Variants in SEMA7A observed in about 807,000 individuals in gnomAD.
The protein encoded by SEMA7A is semaphorin 7A (JohnMiltonHagen blood group), also known as semaphorin-7A.
Under a neutral mutation model 67.5 loss-of-function variants are expected in SEMA7A, and 21 were observed. The observed-to-expected ratio is 0.31, with a 90% CI of 0.22 to 0.45. The LOEUF (loss-of-function observed/expected upper bound fraction) is 0.45, where lower values mean the gene tolerates loss of function less well. Among genes scored for constraint, SEMA7A ranks in the 20% least tolerant of loss-of-function variants. SEMA7A has a pLI of 1.00. For synonymous variants in SEMA7A, 364 were observed against 368.5 expected (o/e 0.99, Z 0.14); for missense variants, 774 against 908.6 (o/e 0.85, Z 1.90).
rs752883889 is a variant in SEMA7A at position 74,411,423 on chromosome 15, C to T, written c.1578-67G>A. ...TGCAGACCTGACCCTCCTATCCTTA[C>T]CCCAGTGCAGTTCCAGCAGAGAGGA... On this transcript the variant is annotated intron_variant, in intron 12 of 13. Transcript: ENST00000261918. This position sits in a 1 kb window ranked among gnomAD's most constrained non-coding sequence, Gnocchi z 4.4. 192 of 1,579,542 alleles carry T rather than the reference C, an allele frequency of 1.2e-4. 1 individual carries two copies. The highest frequency in any genetic ancestry group is 1.7e-4 in the Middle Eastern group (1 of 5,952).
Position 74,423,238 on chromosome 15 carries a change from ACCTCACAC to A in SEMA7A, c.179-4294_179-4287del, listed in dbSNP as rs2061015865. Among the ~76,000 whole-genome samples, 1 of 152,158 alleles carries A rather than the reference ACCTCACAC, an allele frequency of 6.6e-6. No homozygotes were observed. The highest frequency in any genetic ancestry group is 1.9e-4 in the East Asian group (1 of 5,194). ...CCCCCACCCCTGCACTGCCAGGCCTACCTCACACCCTCGCCCAACTACGTGTCTGGAAA... is the reference window on the plus strand; with the variant it reads ...CCCCCACCCCTGCACTGCCAGGCCTACCTCGCCCAACTACGTGTCTGGAAA... On this transcript the variant is annotated intron_variant, in intron 1 of 13. Coordinates refer to ENST00000261918, the MANE Select transcript of SEMA7A (RefSeq NM_003612.5). This position sits in a 1 kb window ranked among gnomAD's most constrained non-coding sequence, Gnocchi z 4.1.
rs758877088 is a variant in SEMA7A at position 74,411,762 on chromosome 15, C to A, written c.1423-52G>T. 6 of 1,606,208 alleles carry A rather than the reference C, an allele frequency of 3.7e-6. No homozygotes were observed. The highest frequency in any genetic ancestry group is 5.1e-6 in the Non-Finnish European group (6 of 1,178,134). ...GCCCGGGCCCCACCCCACACTCAGT[C>A]CTAAATGTCCAGGCCCTAAGGCCTA... On this transcript the variant is annotated intron_variant, in intron 11 of 13. Coordinates refer to ENST00000261918, the MANE Select transcript of SEMA7A (RefSeq NM_003612.5). The surrounding 1 kb of genome is among the most constrained non-coding windows in gnomAD (Gnocchi z 4.4).
intron 1 of SEMA7A, among the ~76,000 whole-genome samples, chr15:74,432,597 T>A (rs955443791): frequency 1.2e-4 from 19 of 152,128 alleles, no homozygotes; most frequent in Admixed American, 3.9e-4. Flanking sequence ...GTTTTGTGTA[T>A]GGTTTTTTTT....
rs749077025 is a variant in SEMA7A, at chr15:74,415,927, G to A, written c.860C>T (p.Ala287Val). Residue 287 changes from alanine to valine, a missense_variant, in exon 8 of 14, where the codon GCC becomes GTC. Physicochemically the swap from Ala to Val is moderately conservative, Grantham distance 64 (BLOSUM62 0). Around this residue, in one of 2 missense-constraint regions of SEMA7A, gnomAD observed 427 missense variants for 555.4 expected, o/e 0.77. Transcript: ENST00000261918. The stretch of plus-strand genomic sequence containing the variant: ...GGCAGCATCACTGCATACCAGCATG[G>A]CTTTCAGAAAAGTGTTCCACTTGGA... ...SVSKWNTFLK[A>V]MLVCSDAATN... The A allele has an allele frequency of 6.2e-7, 1 of 1,614,110 alleles. No homozygotes were observed. The highest frequency in any genetic ancestry group is 1.3e-5 in the African/African-American group (1 of 75,036).
At chr15:74,433,135 C>T (rs891388027) in intron 1 of SEMA7A, among the ~76,000 whole-genome samples, 1 of 152,228 alleles carries the variant, frequency 6.6e-6, no homozygotes, top group African/African-American at 2.4e-5. Flanking sequence ...CGCCCTGGTA[C>T]CCCAAGCCGC....
intron 4 of SEMA7A, 27 bp downstream of exon 4, chr15:74,417,850 C>A: frequency 6.2e-7 from 1 of 1,611,480 alleles, no homozygotes; most frequent in Non-Finnish European, 8.5e-7. Context: ...GTGAGCTGAT[C>A]AGGCACATGG....
intron 3 of SEMA7A, 37 bp downstream of exon 3, chr15:74,418,231 G>A: frequency 6.2e-7 from 1 of 1,601,996 alleles, no homozygotes; most frequent in Non-Finnish European, 8.6e-7. Flanking sequence ...CCTTTACCAA[G>A]TGGCTCAGAC....
At chr15:74,415,207 T>C (rs1413019226) in intron 8 of SEMA7A, among the ~76,000 whole-genome samples, 1 of 152,148 alleles carries the variant, frequency 6.6e-6, no homozygotes, top group East Asian at 1.9e-4. Flanking sequence ...AACCCCATCA[T>C]AGGCTGAGCA....
Position 74,411,904 on chromosome 15 carries a change from A to G in SEMA7A, c.1403T>C (p.Met468Thr), listed in dbSNP as rs1488935494. ...GCTCACCCGCTCAGCATCCAGCGAC[A>G]TGGTCTGGATGGCAGCCGCGCGGCG... ...PFRRAAAIQT[M>T]SLDAERRKLY... The change falls in exon 11 of 14, where the codon ATG becomes ACG. Residue 468 changes from methionine to threonine, a missense_variant. Physicochemically the swap from Met to Thr is moderately conservative, Grantham distance 81. Around this residue, in one of 2 missense-constraint regions of SEMA7A, gnomAD observed 427 missense variants for 555.4 expected, o/e 0.77. Transcript: ENST00000261918. This position sits in a 1 kb window ranked among gnomAD's most constrained non-coding sequence, Gnocchi z 4.4. 2 of 1,613,844 alleles carry G rather than the reference A, an allele frequency of 1.2e-6. No homozygotes were observed. Among genetic ancestry groups the G allele is most frequent in the Non-Finnish European group, 1.7e-6 (2 of 1,180,036 alleles).
intron 1 of SEMA7A, among the ~76,000 whole-genome samples, chr15:74,424,406 A>G (rs970216601): frequency 2.0e-5 from 3 of 152,218 alleles, no homozygotes; most frequent in African/African-American, 7.2e-5. Flanking sequence ...GAAGTCAGAC[A>G]GTTTTCTGGA....
At position 74,411,044 on chromosome 15, in the gene SEMA7A, G is replaced by A. The variant is rs1309999971; in HGVS notation, c.1640-59C>T. ...GGACAAAGAGCTCCCAGGGGAGGAT[G>A]TGTCCTCCCCACGGACTGGGATCCC... On this transcript the variant is annotated intron_variant, in intron 13 of 13. Transcript: ENST00000261918. The surrounding 1 kb of genome is among the most constrained non-coding windows in gnomAD (Gnocchi z 4.4). 3.1e-5 allele frequency: 49 copies of A among 1,559,586 alleles called. No homozygotes were observed. Among genetic ancestry groups the A allele is most frequent in the Non-Finnish European group, 4.3e-5 (49 of 1,152,060 alleles).
In SEMA7A at chr15:74,433,897, G is replaced by A. The variant is rs955678054; in HGVS notation, c.22C>T (p.Arg8Cys). 4.8e-6 allele frequency: 6 copies of A among 1,261,046 alleles called. No homozygotes were observed. The highest frequency in any genetic ancestry group is 6.4e-5 in the South Asian group (2 of 31,380). 78.1% of individuals were successfully genotyped at this position (1,261,046 alleles called of 1,614,324 possible). The change falls in exon 1 of 14, where the codon CGT (arginine) becomes TGT (cysteine). Residue 8 changes from arginine (R) to cysteine (C), a missense_variant. This residue lies in a region of SEMA7A where 347 missense variants were observed against 353.2 expected (regional missense o/e 0.98). Coordinates refer to ENST00000261918, the MANE Select transcript of SEMA7A (RefSeq NM_003612.5). ...GCGCGCGGTGCGCTGGGGGCGGCAC[G>A]TCCGGGCGGAGGAGGCGTCATCCCG... MTPPPPG[R>C]AAPSAPRARV...
Position 74,416,680 on chromosome 15 carries a change from T to G in SEMA7A, c.696A>C (p.Gln232His). The G allele has an allele frequency of 6.2e-7, 1 of 1,614,058 alleles. No homozygotes were observed. Among genetic ancestry groups the G allele is most frequent in the Non-Finnish European group, 8.5e-7 (1 of 1,179,974 alleles). The change falls in exon 7 of 14, where the codon CAA (glutamine) becomes CAC (histidine). Residue 232 changes from glutamine to histidine, a missense_variant. Gln to His is a conservative substitution (Grantham distance 24, BLOSUM62 0). Coordinates refer to ENST00000261918, the MANE Select transcript of SEMA7A (RefSeq NM_003612.5). ...PQFIKATIVHQDQAYDDKIYY... is the reference protein window; with the variant it reads ...PQFIKATIVHHDQAYDDKIYY... ...AGATCTTGTCATCGTAAGCCTGGTC[T>G]TGGTGCACGATGGTGGCTTTGATGA...
intron 1 of SEMA7A, among the ~76,000 whole-genome samples, chr15:74,430,667 G>A (rs1159774208): frequency 6.6e-6 from 1 of 152,208 alleles, no homozygotes; most frequent in East Asian, 1.9e-4. Flanking sequence ...TCTTGGCTTA[G>A]GAAACTCCCC....
At chr15:74,425,089 G>A (rs987097927) in intron 1 of SEMA7A, among the ~76,000 whole-genome samples, 8 of 152,210 alleles carry the variant, frequency 5.3e-5, no homozygotes, top group African/African-American at 1.9e-4. Flanking sequence ...AGGGCAGCCA[G>A]CCAGCAAAGC....
intron 1 of SEMA7A, among the ~76,000 whole-genome samples, chr15:74,425,584 G>A (rs1166415386): frequency 2.0e-5 from 3 of 152,202 alleles, no homozygotes; most frequent in Admixed American, 6.5e-5. Flanking sequence ...ACCTCTGCCC[G>A]TAACACCCTG....
Position 74,417,357 on chromosome 15 carries a change from G to A in SEMA7A, c.639C>T (p.Tyr213=), listed in dbSNP as rs2060959629. Reference sequence around the variant, plus strand: ...CACTCTGCATGACAGTATCACTGGTGTACAGCTCACTCTCGCCCCGGATGC... The same window carrying A: ...CACTCTGCATGACAGTATCACTGGTATACAGCTCACTCTCGCCCCGGATGC... ...FRRIRGESEL[Y]TSDTVMQNPQ... is the part of the protein sequence containing the mutation. Residue 213 remains tyrosine, a synonymous_variant, in exon 6 of 14, where the codon TAC becomes TAT. Transcript: ENST00000261918. The A allele has an allele frequency of 1.2e-6, 2 of 1,613,782 alleles. No individual in the cohort carries two copies. Among genetic ancestry groups the A allele is most frequent in the African/African-American group, 1.3e-5 (1 of 74,922 alleles).
At position 74,416,201 on chromosome 15, in the gene SEMA7A, C is replaced by G. The variant is rs370037703; in HGVS notation, c.802-216G>C. Among the ~76,000 whole-genome samples, 428 of 152,224 alleles carry G rather than the reference C, an allele frequency of 2.8e-3. 2 individuals carry two copies. The highest frequency in any genetic ancestry group is 9.8e-3 in the African/African-American group (407 of 41,536). On this transcript the variant is annotated intron_variant, in intron 7 of 13. Transcript: ENST00000261918. ...TGGCTGATCCAGAGCCCAGGGCCAG[C>G]AGTGCCCAGGGTCAGGGCAGGTGAG... is the stretch of plus-strand genomic sequence containing the variant.
Position 74,416,535 on chromosome 15 carries a change from G to A in SEMA7A, c.801+40C>T, listed in dbSNP as rs28362919. ...CTCACCCTCACTCAGGCCTATTCAT[G>A]CACAGACACGTAGCCAGCAGCCCTC... On this transcript the variant is annotated intron_variant, in intron 7 of 13. Transcript: ENST00000261918. 5.0e-3 allele frequency: 8,011 copies of A among 1,604,812 alleles called. 344 individuals carry two copies. In the African/African-American group the frequency reaches 0.093, roughly 19 times the overall value.
Sources: gnomAD v4.1 joint callset for allele counts (sites outside exome capture counted in the v4.1 genomes callset) on GRCh38, gnomAD v4.1.1 for gene constraint, gnomAD v4.1.1 regional missense constraint, Gnocchi (gnomAD v3.1) non-coding constraint, MANE v1.5 for transcripts, NCBI Gene and HGNC (gene_info 2026-07-23, HGNC 2026-07-21) for gene names.